Variants in NEDD4L observed in about 807,000 individuals in gnomAD.
NEDD4L encodes the protein NEDD4 like E3 ubiquitin protein ligase.
NEDD4L carries 54 observed loss-of-function variants against 148.9 expected under a neutral mutation model. The ratio of observed to expected loss-of-function variants is 0.36; its 90% CI spans 0.29 to 0.45. NEDD4L has a LOEUF of 0.45. Ranked by LOEUF, NEDD4L falls within the 20% of genes least tolerant of loss-of-function variation. The probability of loss-of-function intolerance (pLI) is 1.00; values close to 1 mark genes in which losing one functional copy is unlikely to be tolerated. For missense variants in NEDD4L, 856 were observed against 1,233.8 expected (o/e 0.69, Z 4.59); for synonymous variants, 433 against 440.7 (o/e 0.98, Z 0.22).
At chr18:58,166,048 G>A (rs1223881615) in intron 2 of NEDD4L, among the ~76,000 whole-genome samples, 187 bp downstream of exon 2, 1 of 152,208 alleles carries the variant, frequency 6.6e-6, no homozygotes, top group African/African-American at 2.4e-5. Flanking sequence ...TTTGCACAGG[G>A]CTTCTGGACT....
chr18:58,163,007 T>G (rs1260485736), intron 1 of NEDD4L, among the ~76,000 whole-genome samples: 1 of 151,166 alleles, frequency 6.6e-6, no homozygotes, highest in Non-Finnish European at 1.5e-5. Context: ...GAGGTTGCAG[T>G]GAGCTGAGAT....
Position 58,120,663 on chromosome 18 carries a change from C to G in NEDD4L, c.49-45125C>G, listed in dbSNP as rs527897523. On this transcript the variant is annotated intron_variant, in intron 1 of 30. Transcript: ENST00000400345. ...GGCGTGGTGGCGGGAGCCTGTAGTC[C>G]CAGCTACTCGGGAGGTTGAGGCAGG... is the stretch of plus-strand genomic sequence containing the variant. 7.9e-5 allele frequency among the ~76,000 whole-genome samples: 12 copies of G among 152,250 alleles called. No homozygotes were observed. The East Asian group carries it at 1.5e-3, about 20-fold the overall frequency.
At chr18:58,046,085 G>C (rs531150031) in intron 1 of NEDD4L, 2 of 152,168 alleles carry the variant, frequency 1.3e-5, no homozygotes, top group Non-Finnish European at 2.9e-5. Context: ...TTTTCTTAGC[G>C]GTGCTAGGCA....
chr18:58,156,906 G>A (rs1006780138), intron 1 of NEDD4L, among the ~76,000 whole-genome samples: 1 of 151,974 alleles, frequency 6.6e-6, no homozygotes, highest in East Asian at 1.9e-4. Flanking sequence ...GTTGGTTGTG[G>A]TGGCTCACAC....
intron 1 of NEDD4L, among the ~76,000 whole-genome samples, chr18:58,137,011 T>C (rs2032924595): frequency 6.6e-6 from 1 of 152,246 alleles, no homozygotes; most frequent in African/African-American, 2.4e-5. Context: ...TTTTGGTCCC[T>C]GCCATTGTAT....
At chr18:58,328,857 T>C in intron 9 of NEDD4L, 138 bp from the exon 10 acceptor site, 1 of 828,390 alleles carries the variant, frequency 1.2e-6, no homozygotes, top group African/African-American at 1.7e-5. Context: ...AATTCTCACA[T>C]TGGATGACCA....
chr18:58,218,143 T>C (rs1288906147), intron 2 of NEDD4L, among the ~76,000 whole-genome samples: 2 of 152,250 alleles, frequency 1.3e-5, no homozygotes, highest in Non-Finnish European at 2.9e-5. Context: ...CTTATTCCTT[T>C]TGGCTATGTT....
intron 1 of NEDD4L, among the ~76,000 whole-genome samples, chr18:58,108,881 G>A (rs1265843782): frequency 1.3e-5 from 2 of 152,168 alleles, no homozygotes; most frequent in African/African-American, 4.8e-5. Flanking sequence ...TGTGAAAAGT[G>A]GATAACTGTA....
intron 19 of NEDD4L, among the ~76,000 whole-genome samples, chr18:58,359,281 G>C (rs1407020637): frequency 6.6e-6 from 1 of 152,042 alleles, no homozygotes; most frequent in Non-Finnish European, 1.5e-5. Context: ...TTGTTCAATT[G>C]ATAGAGTACT....
At chr18:58,182,117 C>T (rs1568342027) in intron 2 of NEDD4L, among the ~76,000 whole-genome samples, 1 of 151,968 alleles carries the variant, frequency 6.6e-6, no homozygotes, top group African/African-American at 2.4e-5. Flanking sequence ...AAAATTCTAC[C>T]AGGGGCAGGG....
intron 5 of NEDD4L, chr18:58,255,899 T>A: frequency 8.1e-7 from 1 of 1,232,066 alleles, no homozygotes; most frequent in Non-Finnish European, 1.0e-6. Context: ...CCGCCCCACG[T>A]GCAGCTCCTC....
intron 24 of NEDD4L, among the ~76,000 whole-genome samples, chr18:58,375,273 G>A (rs1019517229): frequency 1.2e-4 from 18 of 151,976 alleles, no homozygotes; most frequent in African/African-American, 4.4e-4. Context: ...CCTGTCGGCC[G>A]CCCCCTTTCC....
At chr18:58,117,520 G>A (rs1456345851) in intron 1 of NEDD4L, among the ~76,000 whole-genome samples, 1 of 152,204 alleles carries the variant, frequency 6.6e-6, no homozygotes, top group Non-Finnish European at 1.5e-5. Context: ...AGGTCTGTAT[G>A]TATGAAAACC....
At chr18:58,298,601 C>G (rs1466784068) in intron 5 of NEDD4L, among the ~76,000 whole-genome samples, 2 of 152,176 alleles carry the variant, frequency 1.3e-5, no homozygotes. Flanking sequence ...TTTTCCTTCT[C>G]TCTCCCCTTT....
chr18:58,285,085 C>G (rs772039468), intron 5 of NEDD4L, among the ~76,000 whole-genome samples: 1 of 152,218 alleles, frequency 6.6e-6, no homozygotes, highest in Non-Finnish European at 1.5e-5. Flanking sequence ...GATTTCCTAA[C>G]TGATCACTGC....
At chr18:58,393,387 C>T (rs559680372) in intron 30 of NEDD4L, among the ~76,000 whole-genome samples, 2 of 152,292 alleles carry the variant, frequency 1.3e-5, no homozygotes, top group African/African-American at 4.8e-5. Context: ...CAAAGCTCCC[C>T]AGATGATTTT....
rs1004524340 is a variant in NEDD4L at position 58,044,525 on chromosome 18, G to A, written c.-136G>A. ...CGGGCACCCTCACCTGCCGGCGCCC[G>A]GCCGCTTACCCGGCAGGGCGTGCGC... On this transcript the variant is annotated 5_prime_UTR_variant, in exon 1 of 31. Transcript: ENST00000400345. 2.5e-6 allele frequency: 3 copies of A among 1,207,794 alleles called. No homozygotes were observed. The highest frequency in any genetic ancestry group is 4.3e-5 in the Admixed American group (1 of 23,310). 74.8% of individuals were successfully genotyped at this position (1,207,794 alleles called of 1,614,324 possible). A position where few individuals can be genotyped will look rare whatever the true frequency, so the allele number is the denominator to read the frequency against.
intron 1 of NEDD4L, among the ~76,000 whole-genome samples, chr18:58,164,977 T>C (rs2036666555): frequency 1.3e-5 from 2 of 152,232 alleles, no homozygotes; most frequent in Admixed American, 1.3e-4. Context: ...TGACCCAAAC[T>C]GGAAACCTGA....
chr18:58,046,760 C>T (rs2081603719), intron 1 of NEDD4L: 1 of 152,140 alleles, frequency 6.6e-6, no homozygotes, highest in African/African-American at 2.4e-5. Flanking sequence ...GAATTTGGGG[C>T]TGTATAGGAA....
Sources: allele counts gnomAD v4.1 joint callset (sites outside exome capture counted in the v4.1 genomes callset), GRCh38; gene constraint gnomAD v4.1.1; transcripts MANE v1.5; gene names NCBI Gene and HGNC (gene_info 2026-07-23, HGNC 2026-07-21).